RNF121: variants seen among roughly 807,000 people sequenced by gnomAD.
RNF121 encodes ring finger protein 121, also known as E3 ubiquitin ligase RNF121.
A neutral mutation model predicts 46.5 loss-of-function variants in RNF121; 21 were observed. The ratio of observed to expected loss-of-function variants is 0.45; its 90% CI spans 0.32 to 0.65. The LOEUF (loss-of-function observed/expected upper bound fraction) is 0.65, where lower values mean the gene tolerates loss of function less well. Among genes scored for constraint, RNF121 ranks in the 30% least tolerant of loss-of-function variants. The probability of loss-of-function intolerance (pLI) is 0.04; values close to 1 mark genes in which losing one functional copy is unlikely to be tolerated. For missense variants in RNF121, 346 were observed against 416.0 expected, an observed-to-expected ratio of 0.83 and a Z score of 1.46; for synonymous variants, 139 against 144.7, an observed-to-expected ratio of 0.96 and a Z score of 0.28.
chr11:71,956,729 T>C (rs1438062341), intron 1 of RNF121, among the ~76,000 whole-genome samples: 1 of 152,230 alleles, frequency 6.6e-6, no homozygotes, highest in East Asian at 1.9e-4. Flanking sequence ...TTGTGTACTA[T>C]GCAATTTTAT....
In RNF121 at chr11:71,993,495, G is replaced by A. The variant is rs138585980; in HGVS notation, c.628-1224G>A. ...GTCCCTTTGGCTTTTTTCACTTAGC[G>A]TAGTGTTTTCAGAGTTCATCCATGT... is the stretch of plus-strand genomic sequence containing the variant. On this transcript the variant is annotated intron_variant, in intron 6 of 8. Transcript: ENST00000361756. 5.4e-3 allele frequency among the ~76,000 whole-genome samples: 825 copies of A among 151,930 alleles called. 5 individuals are homozygous for A. The highest frequency in any genetic ancestry group is 0.016 in the African/African-American group (682 of 41,408).
chr11:71,945,778 C>G (rs1953699193), intron 1 of RNF121, among the ~76,000 whole-genome samples: 2 of 140,490 alleles, frequency 1.4e-5, no homozygotes, highest in Admixed American at 1.5e-4. Context: ...ATATAAAGAG[C>G]TTTTACAACT....
chr11:71,953,131 T>C (rs1451253164), intron 1 of RNF121, among the ~76,000 whole-genome samples: 1 of 152,242 alleles, frequency 6.6e-6, no homozygotes, highest in Admixed American at 6.5e-5. Context: ...ACTCCTGGGC[T>C]TAAGCAGTCC....
At chr11:71,929,851 A>G (rs1953226625) in intron 1 of RNF121, among the ~76,000 whole-genome samples, 1 of 152,158 alleles carries the variant, frequency 6.6e-6, no homozygotes, top group South Asian at 2.1e-4. Context: ...ATTGCATTAG[A>G]GATATAATGG....
At chr11:71,955,904 GA>G (rs888367637) in intron 1 of RNF121, among the ~76,000 whole-genome samples, 142 of 152,308 alleles carry the variant, frequency 9.3e-4, no homozygotes, top group African/African-American at 3.3e-3. Flanking sequence ...GTGTGGGTAG[GA>G]AAAGGAAGGA....
intron 1 of RNF121, among the ~76,000 whole-genome samples, chr11:71,954,622 A>T (rs1293580602): frequency 1.3e-5 from 2 of 152,208 alleles, no homozygotes; most frequent in Admixed American, 1.3e-4. Flanking sequence ...TATTTTCTAG[A>T]TGGAGAAACT....
intron 3 of RNF121, among the ~76,000 whole-genome samples, chr11:71,979,346 T>C (rs1565157764): frequency 6.6e-6 from 1 of 152,202 alleles, no homozygotes; most frequent in African/African-American, 2.4e-5. Context: ...TACTCCACCA[T>C]CTGGTTTCAG....
rs957374354 is a variant in RNF121, at chr11:71,932,853, A to G, written c.63+3729A>G. The stretch of plus-strand genomic sequence containing the variant: ...TAACCAAAAGAATATTGGTTTTTCC[A>G]TACAGGTCCTTTAACTTACTGATAA... On this transcript the variant is annotated intron_variant, in intron 1 of 8. Coordinates refer to ENST00000361756, the MANE Select transcript of RNF121 (RefSeq NM_018320.5). Among the ~76,000 whole-genome samples, 5 of 152,226 alleles carry G rather than the reference A, an allele frequency of 3.3e-5. No homozygotes were observed. In the East Asian group the frequency reaches 7.7e-4, roughly 23 times the overall value.
rs762932889 is a variant in RNF121, at chr11:71,982,911, C to G, written c.394C>G (p.Pro132Ala). The stretch of plus-strand genomic sequence containing the variant: ...CCGAAAACCTCTAGTACAGACAACC[C>G]CAAGGTGAGAGTTTAAGTAGTGGGA... ...ATRKPLVQTT[P>A]RLVYKWFLLI... The change falls in exon 4 of 9, where the codon CCA becomes GCA. Residue 132 changes from proline to alanine, a missense_variant. Physicochemically the swap from Pro to Ala is conservative, Grantham distance 27 (BLOSUM62 -1). Around this residue, in one of 2 missense-constraint regions of RNF121, gnomAD observed 286 missense variants for 383.8 expected, o/e 0.75. Coordinates refer to ENST00000361756, the MANE Select transcript of RNF121 (RefSeq NM_018320.5). 1.2e-6 allele frequency: 2 copies of G among 1,605,534 alleles called. No homozygotes were observed.
chr11:71,977,483 A>G (rs1223318967), intron 3 of RNF121, among the ~76,000 whole-genome samples: 1 of 152,192 alleles, frequency 6.6e-6, no homozygotes, highest in Non-Finnish European at 1.5e-5. Flanking sequence ...TTAAATGTGG[A>G]CTAGCTCTTA....
chr11:71,973,513 G>A (rs1204113862), intron 3 of RNF121, among the ~76,000 whole-genome samples: 2 of 151,196 alleles, frequency 1.3e-5, no homozygotes, highest in African/African-American at 4.9e-5. Context: ...CAGGCCGGGC[G>A]CGGTGGCTCA....
intron 1 of RNF121, among the ~76,000 whole-genome samples, chr11:71,955,916 G>C (rs1953980681): frequency 6.6e-6 from 1 of 152,138 alleles, no homozygotes; most frequent in Admixed American, 6.6e-5. Flanking sequence ...AAAGGAAGGA[G>C]GGATGTTGAC....
Position 71,996,837 on chromosome 11 carries a change from G to A in RNF121, c.*522G>A, listed in dbSNP as rs1954989129. 6.4e-6 allele frequency: 1 copy of A among 155,772 alleles called. No homozygotes were observed. The highest frequency in any genetic ancestry group is 1.8e-4 in the South Asian group (1 of 5,436). The allele number at this position is 155,772 out of a possible 1,614,324, so 9.6% of individuals were successfully genotyped here. On this transcript the variant is annotated 3_prime_UTR_variant, in exon 9 of 9. Coordinates refer to ENST00000361756, the MANE Select transcript of RNF121 (RefSeq NM_018320.5). ...GGTGTCCTCCCTCCCCCACTGTCTG[G>A]GACACAGGACAGGTGTTGCGTCTGA...
intron 4 of RNF121, among the ~76,000 whole-genome samples, chr11:71,986,105 T>G (rs377347649): frequency 6.6e-6 from 1 of 152,160 alleles, no homozygotes; most frequent in East Asian, 1.9e-4. Flanking sequence ...CACCACACAC[T>G]TTCATCCAAC....
chr11:71,939,195 T>C (rs10736780), intron 1 of RNF121: 154,856 of 167,228 alleles, frequency 0.93, 72,006 homozygotes, highest in Non-Finnish European at 0.98. Flanking sequence ...TGAGCCACTG[T>C]CCCTGGCTCA....
chr11:71,983,267 A>G (rs1565159497), intron 4 of RNF121: 1 of 166,510 alleles, frequency 6.0e-6, no homozygotes, highest in African/African-American at 2.4e-5. Context: ...GTCATTGCAC[A>G]GTAGTTTTCC....
intron 3 of RNF121, among the ~76,000 whole-genome samples, chr11:71,969,268 GAGTT>G (rs1451468969): frequency 1.3e-5 from 2 of 152,032 alleles, no homozygotes; most frequent in African/African-American, 4.8e-5. Context: ...GTGAATGGGT[GAGTT>G]AGTTGTGATA....
intron 3 of RNF121, among the ~76,000 whole-genome samples, chr11:71,981,349 C>T (rs945516966): frequency 2.6e-5 from 4 of 152,168 alleles, no homozygotes; most frequent in South Asian, 2.1e-4. Context: ...CACGGCCAGC[C>T]GAGTAAATAC....
chr11:71,955,912 A>G (rs1565147639), intron 1 of RNF121, among the ~76,000 whole-genome samples: 2 of 152,188 alleles, frequency 1.3e-5, no homozygotes, highest in Non-Finnish European at 2.9e-5. Context: ...AGGAAAAGGA[A>G]GGAGGGATGT....
Sources: allele counts gnomAD v4.1 joint callset (sites outside exome capture counted in the v4.1 genomes callset), GRCh38; gene constraint gnomAD v4.1.1; regional missense constraint gnomAD v4.1.1; transcripts MANE v1.5; gene names NCBI Gene and HGNC (gene_info 2026-07-23, HGNC 2026-07-21).